The following GPC3 variants were observed in gnomAD, a reference collection of about 807,000 sequenced individuals.
GPC3 encodes the protein glypican-3.
In GPC3, 3 loss-of-function variants were observed where a neutral mutation model predicts 34.4. That is an observed-to-expected ratio of 0.09 (90% CI 0.04 to 0.23). GPC3 has a LOEUF of 0.23. Among genes scored for constraint, GPC3 ranks in the 10% least tolerant of loss-of-function variants. The pLI is 1.00. For synonymous variants in GPC3, 177 were observed against 174.0 expected, an observed-to-expected ratio of 1.02 and a Z score of -0.13; for missense variants, 351 against 445.6, an observed-to-expected ratio of 0.79 and a Z score of 1.91.
chrX:133,880,005 G>A (rs552275704), intron 2 of GPC3, among the ~76,000 whole-genome samples: 1 of 111,552 alleles, frequency 9.0e-6, no homozygotes. Context: ...GAAAACAGAA[G>A]TCCACTAGGA....
intron 2 of GPC3, among the ~76,000 whole-genome samples, chrX:133,826,570 A>C (rs955190665): frequency 9.0e-6 from 1 of 111,323 alleles, no homozygotes; most frequent in Admixed American, 9.6e-5. Flanking sequence ...CATACCAACA[A>C]AAACATAATT....
chrX:133,606,683 C>T (rs1038754772), intron 6 of GPC3, among the ~76,000 whole-genome samples: 1 of 111,539 alleles, frequency 9.0e-6, no homozygotes, highest in Non-Finnish European at 1.9e-5. Flanking sequence ...CTTGGCCTCA[C>T]AAAGTGCTTG....
intron 6 of GPC3, among the ~76,000 whole-genome samples, chrX:133,643,618 C>T (rs759527464): frequency 9.9e-5 from 11 of 111,416 alleles, no homozygotes; most frequent in Admixed American, 1.9e-4. Context: ...CATATATACA[C>T]ATTAATTTTT....
intron 1 of GPC3, among the ~76,000 whole-genome samples, chrX:133,974,801 T>C (rs2076508595): frequency 1.8e-5 from 2 of 111,156 alleles, no homozygotes; most frequent in Admixed American, 1.9e-4. Flanking sequence ...GCTGATAATT[T>C]CCAAGTATAT....
rs111495512 is a variant in GPC3 at position 133,555,827 on chromosome X, C to CA, written c.1574-19535dup. 9.6e-3 allele frequency among the ~76,000 whole-genome samples: 833 copies of CA among 86,382 alleles called. 10 individuals are homozygous for CA. The highest frequency in any genetic ancestry group is 0.042 in the Middle Eastern group (7 of 166). 75.0% of individuals were successfully genotyped at this position (86,382 alleles called of 115,157 possible). A position where few individuals can be genotyped will look rare whatever the true frequency, so the allele number is the denominator to read the frequency against. On this transcript the variant is annotated intron_variant, in intron 7 of 7. Coordinates refer to ENST00000370818, the MANE Select transcript of GPC3 (RefSeq NM_004484.4). ...TGGGTGACAAGGCGAGACTCCATCT[C>CA]AAAAAAAAAAATAAAAAAAAAAAGC...
At chrX:133,955,776 G>C (rs1056639755) in intron 1 of GPC3, among the ~76,000 whole-genome samples, 1 of 111,798 alleles carries the variant, frequency 8.9e-6, no homozygotes, top group Non-Finnish European at 1.9e-5. Context: ...CCTCAGAAAA[G>C]CAAGTTTCAA....
At chrX:133,618,569 C>T (rs764998154) in intron 6 of GPC3, among the ~76,000 whole-genome samples, 2 of 109,480 alleles carry the variant, frequency 1.8e-5, no homozygotes, top group Non-Finnish European at 3.8e-5. Context: ...GGTGTGGTAG[C>T]GGTCACCTGT....
intron 2 of GPC3, among the ~76,000 whole-genome samples, chrX:133,859,612 T>A (rs1646194317): frequency 9.0e-6 from 1 of 111,662 alleles, no homozygotes; most frequent in African/African-American, 3.3e-5. Flanking sequence ...AGGTTTCAGG[T>A]TTCTGACAAA....
intron 2 of GPC3, among the ~76,000 whole-genome samples, chrX:133,901,822 T>C (rs138447014): frequency 1.7e-3 from 188 of 111,947 alleles, no homozygotes; most frequent in African/African-American, 5.9e-3. Context: ...AGGTTTGAGG[T>C]ATGTGTTTTT....
At chrX:133,562,052 C>T (rs1038146710) in intron 7 of GPC3, among the ~76,000 whole-genome samples, 6 of 112,069 alleles carry the variant, frequency 5.4e-5, no homozygotes, top group African/African-American at 9.7e-5. Context: ...ATCAAAATAA[C>T]ATAGAAGGCT....
chrX:133,900,127 T>G (rs1200929724), intron 2 of GPC3, among the ~76,000 whole-genome samples: 1 of 112,000 alleles, frequency 8.9e-6, no homozygotes, highest in African/African-American at 3.2e-5. Flanking sequence ...TAAATTCAAC[T>G]TAAACTAAAG....
chrX:133,903,068 T>C (rs1397777623), intron 2 of GPC3, among the ~76,000 whole-genome samples: 1 of 108,919 alleles, frequency 9.2e-6, no homozygotes, highest in African/African-American at 3.4e-5. Context: ...GGAGAATCGC[T>C]TGAACCTGGG....
chrX:133,851,635 C>T (rs1415006499), intron 2 of GPC3, among the ~76,000 whole-genome samples: 1 of 111,731 alleles, frequency 9.0e-6, no homozygotes, highest in Non-Finnish European at 1.9e-5. Context: ...AGTATAAGTT[C>T]TACTTTCTCT....
intron 2 of GPC3, among the ~76,000 whole-genome samples, chrX:133,880,797 A>G (rs2076038393): frequency 8.9e-6 from 1 of 111,913 alleles, no homozygotes; most frequent in Admixed American, 9.5e-5. Flanking sequence ...GAAGTTATTT[A>G]AAATAAGATG....
At chrX:133,816,527 C>T (rs2075692249) in intron 2 of GPC3, among the ~76,000 whole-genome samples, 1 of 111,822 alleles carries the variant, frequency 8.9e-6, no homozygotes, top group South Asian at 3.8e-4. Flanking sequence ...TTTTTACAAG[C>T]CAAAGATTGT....
chrX:133,776,498 A>G (rs2071982319), intron 2 of GPC3, among the ~76,000 whole-genome samples: 1 of 112,035 alleles, frequency 8.9e-6, no homozygotes, highest in African/African-American at 3.2e-5. Flanking sequence ...TCATGACTGT[A>G]TGTGGAAAAT....
At chrX:133,674,521 T>TA (rs1329319035) in intron 5 of GPC3, among the ~76,000 whole-genome samples, 3 of 111,723 alleles carry the variant, frequency 2.7e-5, no homozygotes, top group South Asian at 3.8e-4. Context: ...AGGAACTTTT[T>TA]AGCAGAGGTG....
At chrX:133,798,824 T>C (rs978085780) in intron 2 of GPC3, among the ~76,000 whole-genome samples, 5 of 111,544 alleles carry the variant, frequency 4.5e-5, no homozygotes, top group African/African-American at 1.6e-4. Flanking sequence ...ATCTGAAGTT[T>C]CCCTCACTGG....
At chrX:133,552,443 T>C (rs1194300017) in intron 7 of GPC3, among the ~76,000 whole-genome samples, 1 of 111,847 alleles carries the variant, frequency 8.9e-6, no homozygotes, top group African/African-American at 3.3e-5. Flanking sequence ...CAAGGAGTTA[T>C]TGACCAAGAC....
Sources: gnomAD v4.1 joint callset for allele counts (sites outside exome capture counted in the v4.1 genomes callset) on GRCh38, gnomAD v4.1.1 for gene constraint, MANE v1.5 for transcripts, NCBI Gene and HGNC (gene_info 2026-07-23, HGNC 2026-07-21) for gene names.